Variants in WNK3 observed in about 807,000 individuals in gnomAD.
WNK3 encodes serine/threonine-protein kinase WNK3.
In WNK3, 18 loss-of-function variants were observed where a neutral mutation model predicts 116.7. That is an observed-to-expected ratio of 0.15 (90% CI 0.11 to 0.23). The LOEUF is 0.23. WNK3 is among the 10% of genes least tolerant of loss of function. The probability of loss-of-function intolerance (pLI) is 1.00; values close to 1 mark genes in which losing one functional copy is unlikely to be tolerated. For synonymous variants in WNK3, 404 were observed against 469.4 expected (o/e 0.86, Z 1.80); for missense variants, 993 against 1,323.8 (o/e 0.75, Z 3.88).
intron 21 of WNK3, among the ~76,000 whole-genome samples, chrX:54,229,111 C>T (rs2067873753): frequency 9.0e-6 from 1 of 111,209 alleles, no homozygotes; most frequent in East Asian, 2.8e-4. Flanking sequence ...GATGTAAGGT[C>T]GATACACAAA....
chrX:54,221,048 G>C (rs782414232), intron 22 of WNK3, among the ~76,000 whole-genome samples: 1 of 111,548 alleles, frequency 9.0e-6, no homozygotes, highest in East Asian at 2.8e-4. Context: ...ATTGTACCAG[G>C]ACCTTTAACA....
At chrX:54,287,678 G>A (rs1229794672) in intron 10 of WNK3, among the ~76,000 whole-genome samples, 1 of 111,166 alleles carries the variant, frequency 9.0e-6, no homozygotes, top group Non-Finnish European at 1.9e-5. Context: ...TTTAATTGTA[G>A]TCATCTGGTC....
At chrX:54,253,334 T>C (rs1385646052) in intron 13 of WNK3, among the ~76,000 whole-genome samples, 1 of 111,606 alleles carries the variant, frequency 9.0e-6, no homozygotes, top group African/African-American at 3.3e-5. Context: ...GGCATGATCA[T>C]AGCTCACTAC....
chrX:54,275,413 A>ATGTGTGTGTGTGTGTGTGTGTGTGTG (rs782746924), intron 10 of WNK3, among the ~76,000 whole-genome samples: 1 of 58,338 alleles, frequency 1.7e-5, no homozygotes, highest in African/African-American at 6.2e-5. Context: ...GTATAAGTTC[A>ATGTGTGTGTGTGTGTGTGTGTGTGTG]TATGTGTGTG....
intron 11 of WNK3, among the ~76,000 whole-genome samples, chrX:54,257,154 C>A (rs938027098): frequency 9.0e-6 from 1 of 111,286 alleles, no homozygotes; most frequent in Non-Finnish European, 1.9e-5. Flanking sequence ...GGCAGTGTCT[C>A]CCAATTCCCA....
At chrX:54,245,877 T>C (rs963290196) in intron 17 of WNK3, among the ~76,000 whole-genome samples, 1 of 112,104 alleles carries the variant, frequency 8.9e-6, no homozygotes, top group Non-Finnish European at 1.9e-5. Context: ...CTAACTTTCA[T>C]AGTGTTAAAT....
At chrX:54,292,536 T>C (rs145246385) in intron 10 of WNK3, among the ~76,000 whole-genome samples, 1,099 of 108,911 alleles carry the variant, frequency 0.01, 5 homozygotes, top group Non-Finnish European at 0.015. Context: ...GAAACCCCGT[T>C]TCTACTAAAA....
intron 3 of WNK3, among the ~76,000 whole-genome samples, chrX:54,310,736 CT>C (rs1322347650): frequency 3.5e-4 from 36 of 103,289 alleles, no homozygotes; most frequent in Admixed American, 5.3e-4. Flanking sequence ...TCTACAAATT[CT>C]TTTTTTTTTT....
chrX:54,334,800 T>C (rs1557175078), intron 1 of WNK3, among the ~76,000 whole-genome samples: 1 of 112,468 alleles, frequency 8.9e-6, no homozygotes, highest in African/African-American at 3.2e-5. Flanking sequence ...CGTATTCTTT[T>C]AAACTAGCAA....
intron 13 of WNK3, 97 bp downstream of exon 13, chrX:54,253,862 C>T (rs1468205975): frequency 1.0e-4 from 62 of 607,847 alleles, no homozygotes; most frequent in Non-Finnish European, 3.1e-5. Flanking sequence ...ACTAATCGTA[C>T]TCTAAAAAAC....
chrX:54,322,602 T>C (rs1557172538), intron 2 of WNK3, among the ~76,000 whole-genome samples: 1 of 111,793 alleles, frequency 8.9e-6, no homozygotes, highest in African/African-American at 3.2e-5. Context: ...GAGTGGGAAA[T>C]TCTTCAATCA....
At position 54,270,570 on chromosome X, in the gene WNK3, AT is replaced by A. The variant is rs373372242; in HGVS notation, c.2038-11233del. Among the ~76,000 whole-genome samples, 285 of 102,900 alleles carry A rather than the reference AT, an allele frequency of 2.8e-3. 1 individual carries two copies. The highest frequency in any genetic ancestry group is 7.9e-3 in the African/African-American group (226 of 28,596). 89.4% of individuals were successfully genotyped at this position (102,900 alleles called of 115,157 possible). A position where few individuals can be genotyped will look rare whatever the true frequency, so the allele number is the denominator to read the frequency against. Reference sequence around the variant, plus strand: ...AGGCACCTGCCACCACACCTGGCTAATTTTTTTTTTTTAATTTTAAGTTCTG... The same window carrying A: ...AGGCACCTGCCACCACACCTGGCTAATTTTTTTTTTTAATTTTAAGTTCTG... On this transcript the variant is annotated intron_variant, in intron 10 of 23. Coordinates refer to ENST00000354646, the Ensembl canonical transcript of WNK3.
At chrX:54,238,844 T>C in intron 18 of WNK3, 24 bp downstream of exon 18, 1 of 1,065,937 alleles carries the variant, frequency 9.4e-7, no homozygotes, top group Non-Finnish European at 1.2e-6. Flanking sequence ...ACCTAGTCTA[T>C]GTCCCTGACT....
At chrX:54,226,094 CCAAAAAAAAAA>C (rs782581973) in intron 22 of WNK3, among the ~76,000 whole-genome samples, 8 of 11,997 alleles carry the variant, frequency 6.7e-4, no homozygotes, top group African/African-American at 8.4e-4. Context: ...ATCCACATAC[CCAAAAAAAAAA>C]AAAAAAAAAA....
chrX:54,333,276 G>T, exon 2 of WNK3: 1 of 1,210,942 alleles, frequency 8.3e-7, no homozygotes, highest in South Asian at 1.8e-5. Context: ...CTTCATTTCT[G>T]CTTCTTCTTC....
chrX:54,321,385 G>A (rs984888291), intron 2 of WNK3, among the ~76,000 whole-genome samples: 7 of 111,523 alleles, frequency 6.3e-5, no homozygotes, highest in African/African-American at 1.6e-4. Flanking sequence ...AACCCCGTAC[G>A]CTGAATTCTG....
At chrX:54,273,664 C>A (rs1247430020) in intron 10 of WNK3, among the ~76,000 whole-genome samples, 1 of 112,067 alleles carries the variant, frequency 8.9e-6, no homozygotes, top group Non-Finnish European at 1.9e-5. Context: ...AGATCACATC[C>A]ATGGGGAACA....
chrX:54,289,187 G>A (rs2068611904), intron 10 of WNK3, among the ~76,000 whole-genome samples: 1 of 111,060 alleles, frequency 9.0e-6, no homozygotes, highest in African/African-American at 3.3e-5. Flanking sequence ...ACTGCAGCTG[G>A]GACTGGATAA....
chrX:54,238,589 A>G, intron 18 of WNK3, 117 bp from the exon 19 acceptor site: 1 of 730,015 alleles, frequency 1.4e-6, no homozygotes. Flanking sequence ...CTAGACAATT[A>G]AAAGGTGTTA....
Sources: allele counts gnomAD v4.1 joint callset (sites outside exome capture counted in the v4.1 genomes callset), GRCh38; gene constraint gnomAD v4.1.1; transcripts MANE v1.5; gene names NCBI Gene and HGNC (gene_info 2026-07-23, HGNC 2026-07-21).